The following PSMD1 variants were observed in gnomAD, a reference collection of about 807,000 sequenced individuals.
PSMD1 encodes 26S proteasome non-ATPase regulatory subunit 1.
In PSMD1, 18 loss-of-function variants were observed where a neutral mutation model predicts 119.0. The observed-to-expected ratio is 0.15, with a 90% CI of 0.10 to 0.22. The LOEUF is 0.22. Ranked by LOEUF, PSMD1 falls within the 10% of genes least tolerant of loss-of-function variation. PSMD1 has a pLI of 1.00. For synonymous variants in PSMD1, 374 were observed against 396.6 expected, an observed-to-expected ratio of 0.94 and a Z score of 0.68; for missense variants, 702 against 1,158.5, an observed-to-expected ratio of 0.61 and a Z score of 5.72.
intron 19 of PSMD1, among the ~76,000 whole-genome samples, chr2:231,156,703 G>T (rs1696515837): frequency 6.6e-6 from 1 of 151,714 alleles, no homozygotes; most frequent in South Asian, 2.1e-4. Flanking sequence ...TTAAGGTATG[G>T]TTGATAAATA....
chr2:231,075,478 T>G, intron 7 of PSMD1, 33 bp from the exon 8 acceptor site: 2 of 1,601,784 alleles, frequency 1.2e-6, no homozygotes, highest in African/African-American at 2.7e-5. Context: ...TGTACTTCTC[T>G]TCAGAAAAAA....
Position 231,076,239 on chromosome 2 carries a change from T to C in PSMD1, c.942+668T>C, listed in dbSNP as rs111819954. On this transcript the variant is annotated intron_variant, in intron 8 of 24. Transcript: ENST00000308696. ...GGCTAATTGTTTTTGTTGTTTTTAA[T>C]GTTTGCAGCGTATTGGAAGGGTAGG... 1.7e-3 allele frequency among the ~76,000 whole-genome samples: 254 copies of C among 152,344 alleles called. 1 individual carries two copies. Among genetic ancestry groups the C allele is most frequent in the Non-Finnish European group, 2.9e-3 (200 of 68,038 alleles).
Position 231,062,169 on chromosome 2 carries a change from T to C in PSMD1, c.61-79T>C, listed in dbSNP as rs1693776412. The C allele has an allele frequency of 2.4e-5, 22 of 917,796 alleles. 1 individual carries two copies. In the South Asian group the frequency reaches 2.9e-4, roughly 12 times the overall value. The allele number at this position is 917,796 out of a possible 1,614,324, so 56.9% of individuals were successfully genotyped here. A position where few individuals can be genotyped will look rare whatever the true frequency, so the allele number is the denominator to read the frequency against. The stretch of plus-strand genomic sequence containing the variant: ...GTAAATATTACTGAGGATTTGATCA[T>C]TGATTTGCTGAAAAGAATTTTTTAA... On this transcript the variant is annotated intron_variant, in intron 2 of 24. Transcript: ENST00000308696.
At chr2:231,105,106 T>A (rs1458345505) in intron 16 of PSMD1, among the ~76,000 whole-genome samples, 2 of 152,214 alleles carry the variant, frequency 1.3e-5, no homozygotes, top group Admixed American at 6.5e-5. Flanking sequence ...AAAATTCTTA[T>A]GTATATTATC....
chr2:231,068,314 A>G (rs1693955622), intron 5 of PSMD1, among the ~76,000 whole-genome samples: 1 of 152,198 alleles, frequency 6.6e-6, no homozygotes, highest in Admixed American at 6.5e-5. Context: ...ATGTGATATA[A>G]TGGCCCTTGT....
chr2:231,058,954 C>T (rs780506195), intron 1 of PSMD1, among the ~76,000 whole-genome samples: 1 of 150,542 alleles, frequency 6.6e-6, no homozygotes, highest in Non-Finnish European at 1.5e-5. Context: ...TGATCACTGT[C>T]TCTCTCTCTC....
At position 231,082,984 on chromosome 2, in the gene PSMD1, T is replaced by G. The variant is rs761123420; in HGVS notation, c.1515T>G (p.Asp505Glu). ...DLLKTNLYQD[D>E]AVTGEAAGLA... ...TAAAAACAAACCTTTATCAGGATGATGCAGTAACAGGTAAGCATTTCTTTC... is the reference window on the plus strand; with the variant it reads ...TAAAAACAAACCTTTATCAGGATGAGGCAGTAACAGGTAAGCATTTCTTTC... The change falls in exon 13 of 25, where the codon GAT becomes GAG. Residue 505 changes from aspartate to glutamate, a missense_variant. Asp to Glu is a conservative substitution (Grantham distance 45). This residue lies in a region of PSMD1 where 272 missense variants were observed against 511.6 expected (regional missense o/e 0.53). Transcript: ENST00000308696. The G allele has an allele frequency of 7.5e-6, 12 of 1,609,994 alleles. No individual in the cohort carries two copies. Among genetic ancestry groups the G allele is most frequent in the Non-Finnish European group, 1.0e-5 (12 of 1,176,442 alleles).
rs535468516 is a variant in PSMD1 at position 231,123,870 on chromosome 2, C to G, written c.1884-14866C>G. On this transcript the variant is annotated intron_variant, in intron 16 of 24. Coordinates refer to ENST00000308696, the MANE Select transcript of PSMD1 (RefSeq NM_002807.4). ...AGGCATTGTAACCATGCCAAACACT[C>G]AAAAGCCAAAGTTGACACCTTCCTT... The G allele has an allele frequency of 6.7e-6, 6 of 901,836 alleles. No homozygotes were observed. In the East Asian group the frequency reaches 7.5e-5, roughly 11 times the overall value. 55.9% of individuals were successfully genotyped at this position (901,836 alleles called of 1,614,324 possible).
At chr2:231,135,674 A>C (rs1310789720) in intron 16 of PSMD1, among the ~76,000 whole-genome samples, 29 of 152,206 alleles carry the variant, frequency 1.9e-4, no homozygotes, top group Non-Finnish European at 1.0e-4. Flanking sequence ...GAGAAAACCC[A>C]AGTGATTTGT....
chr2:231,165,413 C>A, intron 22 of PSMD1, 127 bp downstream of exon 22: 2 of 1,148,160 alleles, frequency 1.7e-6, no homozygotes, highest in Non-Finnish European at 2.3e-6. Context: ...CTGTTGCCAG[C>A]ATGTAGAATC....
At chr2:231,125,410 C>T (rs1010288271) in intron 16 of PSMD1, among the ~76,000 whole-genome samples, 1 of 152,162 alleles carries the variant, frequency 6.6e-6, no homozygotes, top group South Asian at 2.1e-4. Flanking sequence ...GAAGATTCTG[C>T]CGTTTTAAAA....
At chr2:231,157,923 T>C (rs1476329071) in intron 19 of PSMD1, among the ~76,000 whole-genome samples, 1 of 152,124 alleles carries the variant, frequency 6.6e-6, no homozygotes, top group African/African-American at 2.4e-5. Context: ...ATTAATCTCA[T>C]GTCCTTTTTC....
At chr2:231,119,856 C>T (rs774385870) in intron 16 of PSMD1, among the ~76,000 whole-genome samples, 3 of 107,974 alleles carry the variant, frequency 2.8e-5, no homozygotes, top group Non-Finnish European at 3.3e-5. Flanking sequence ...GGCAACAGAA[C>T]GAGACTCCGT....
At chr2:231,156,593 A>T (rs1432309677) in intron 19 of PSMD1, among the ~76,000 whole-genome samples, 1 of 152,086 alleles carries the variant, frequency 6.6e-6, no homozygotes, top group Admixed American at 6.5e-5. Context: ...ATTTATTGAA[A>T]GTTTTTTTAT....
chr2:231,152,518 G>C (rs993302147), intron 18 of PSMD1, among the ~76,000 whole-genome samples: 5 of 152,168 alleles, frequency 3.3e-5, no homozygotes, highest in Admixed American at 3.3e-4. Flanking sequence ...GTTCATAAAA[G>C]GTAGTAACTT....
chr2:231,076,884 A>T (rs749239445), intron 8 of PSMD1, 150 bp from the exon 9 acceptor site: 4 of 546,026 alleles, frequency 7.3e-6, no homozygotes, highest in Non-Finnish European at 1.2e-5. Flanking sequence ...ATCATATCTC[A>T]GTAGCATCTA....
intron 16 of PSMD1, chr2:231,108,219 G>A (rs1409481616): frequency 6.9e-6 from 2 of 291,728 alleles, no homozygotes; most frequent in African/African-American, 4.4e-5. Context: ...TAAATTTTAT[G>A]ATGACAGTGG....
chr2:231,109,067 T>C, intron 16 of PSMD1: 1 of 1,614,252 alleles, frequency 6.2e-7, no homozygotes, highest in Non-Finnish European at 8.5e-7. Flanking sequence ...CATAAGTGTT[T>C]CATCACCTGA....
At chr2:231,062,083 T>C (rs1254581067) in intron 2 of PSMD1, among the ~76,000 whole-genome samples, 165 bp from the exon 3 acceptor site, 1 of 152,228 alleles carries the variant, frequency 6.6e-6, no homozygotes, top group Non-Finnish European at 1.5e-5. Context: ...AAGAAATGTG[T>C]AAACTCAAGA....
Sources: gnomAD v4.1 joint callset for allele counts (sites outside exome capture counted in the v4.1 genomes callset) on GRCh38, gnomAD v4.1.1 for gene constraint, gnomAD v4.1.1 regional missense constraint, MANE v1.5 for transcripts, NCBI Gene and HGNC (gene_info 2026-07-23, HGNC 2026-07-21) for gene names.